Variants in DRC8 observed in about 807,000 individuals in gnomAD.
DRC8 encodes the protein dynein regulatory complex subunit 8, also known as dynein regulatory complex protein 8.
chr1:245,068,965 A>G, the DRC8 span, among the ~76,000 whole-genome samples: 1 of 152,162 alleles, frequency 6.6e-6, no homozygotes, highest in Non-Finnish European at 1.5e-5. Context: ...TTCACTCACT[A>G]TTACATCAAA....
At chr1:245,044,976 TA>T in the DRC8 span, among the ~76,000 whole-genome samples, 2 of 152,136 alleles carry the variant, frequency 1.3e-5, no homozygotes, top group Non-Finnish European at 2.9e-5. Context: ...TTAATAATGT[TA>T]AAAATGGTTT....
At chr1:245,002,519 T>C in the DRC8 span, among the ~76,000 whole-genome samples, 1 of 152,146 alleles carries the variant, frequency 6.6e-6, no homozygotes, top group South Asian at 2.1e-4. Flanking sequence ...TTCCTTATGT[T>C]TCTTTAGTTT....
At chr1:244,970,238 C>A in the DRC8 span, 2 of 702,980 alleles carry the variant, frequency 2.8e-6, no homozygotes, top group East Asian at 6.1e-5. Flanking sequence ...TGGCGCGAAA[C>A]GGGGACAGGG....
the DRC8 span, among the ~76,000 whole-genome samples, chr1:245,086,023 A>G: frequency 6.6e-6 from 1 of 152,264 alleles, no homozygotes; most frequent in Admixed American, 6.5e-5. Flanking sequence ...CGCAGTGTAT[A>G]CAGAGACAGT....
the DRC8 span, among the ~76,000 whole-genome samples, chr1:245,065,706 T>C: frequency 5.9e-5 from 9 of 152,032 alleles, no homozygotes; most frequent in Non-Finnish European, 1.0e-4. Flanking sequence ...ATGGAACTTG[T>C]CAACTTTAAA....
the DRC8 span, among the ~76,000 whole-genome samples, chr1:245,054,498 C>A: frequency 2.6e-5 from 4 of 152,164 alleles, no homozygotes; most frequent in Admixed American, 6.5e-5. Flanking sequence ...CCTCCCTCGA[C>A]CTCTCAGCAG....
At chr1:244,986,498 G>A in the DRC8 span, among the ~76,000 whole-genome samples, 1 of 152,154 alleles carries the variant, frequency 6.6e-6, no homozygotes, top group Non-Finnish European at 1.5e-5. Context: ...GGTCAGGGAG[G>A]CTGACTTCTA....
the DRC8 span, among the ~76,000 whole-genome samples, chr1:245,092,266 G>A: frequency 1.2e-4 from 19 of 152,348 alleles, no homozygotes; most frequent in Non-Finnish European, 2.2e-4. Context: ...ACAAAAAAGA[G>A]TCCAAGATAG....
At chr1:244,976,238 C>T in the DRC8 span, among the ~76,000 whole-genome samples, 1 of 152,082 alleles carries the variant, frequency 6.6e-6, no homozygotes, top group Non-Finnish European at 1.5e-5. Context: ...CATTGCACTC[C>T]AGCCCAGGCA....
chr1:244,975,689 T>C, the DRC8 span, among the ~76,000 whole-genome samples: 1 of 151,922 alleles, frequency 6.6e-6, no homozygotes, highest in African/African-American at 2.4e-5. Context: ...TGAAACCCTG[T>C]CTCTACTAAA....
At chr1:245,075,592 T>C in the DRC8 span, 1 of 152,202 alleles carries the variant, frequency 6.6e-6, no homozygotes, top group African/African-American at 2.4e-5. Flanking sequence ...GCCAGGCGTA[T>C]CAGGGCCTTG....
At chr1:245,081,994 C>A in the DRC8 span, 1 of 1,049,240 alleles carries the variant, frequency 9.5e-7, no homozygotes, top group Non-Finnish European at 1.5e-6. Context: ...CATCCAGAGT[C>A]TCTAGCACTT....
chr1:245,065,073 C>CTTTTTTTTTTTTTT, the DRC8 span, among the ~76,000 whole-genome samples: 1,583 of 81,512 alleles, frequency 0.019, 25 homozygotes, highest in Middle Eastern at 0.034. Context: ...TAACATTCTT[C>CTTTTTTTTTTTTTT]TTTTTTTTTT....
the DRC8 span, among the ~76,000 whole-genome samples, chr1:245,003,430 A>G: frequency 6.6e-6 from 1 of 152,250 alleles, no homozygotes; most frequent in Non-Finnish European, 1.5e-5. Context: ...GGGCACAGAG[A>G]GGTTAAGTAA....
At chr1:245,047,275 T>G in the DRC8 span, among the ~76,000 whole-genome samples, 1 of 152,210 alleles carries the variant, frequency 6.6e-6, no homozygotes, top group African/African-American at 2.4e-5. Flanking sequence ...TTAACACATA[T>G]TTTATATGTT....
the DRC8 span, among the ~76,000 whole-genome samples, chr1:245,103,941 G>C: frequency 6.6e-6 from 1 of 152,204 alleles, no homozygotes; most frequent in African/African-American, 2.4e-5. Flanking sequence ...TGGGCTTAGG[G>C]ATAAGACAGA....
the DRC8 span, chr1:245,121,887 T>C: frequency 2.4e-6 from 1 of 422,010 alleles, no homozygotes; most frequent in South Asian, 1.7e-5. Context: ...ATTTTTCTTT[T>C]CTTTTTTCTT....
the DRC8 span, chr1:245,124,122 T>A: frequency 7.5e-3 from 1,475 of 196,004 alleles, 22 homozygotes; most frequent in African/African-American, 0.033. Flanking sequence ...AGTTGGAGAT[T>A]CCAAAAGCTT....
the DRC8 span, among the ~76,000 whole-genome samples, chr1:245,095,867 T>G: frequency 6.6e-5 from 10 of 152,154 alleles, no homozygotes; most frequent in African/African-American, 2.2e-4. Context: ...TTAAGTCTTT[T>G]GCTAATGTGT....
Sources: allele counts gnomAD v4.1 joint callset (sites outside exome capture counted in the v4.1 genomes callset), GRCh38; gene constraint gnomAD v4.1.1; transcripts MANE v1.5; gene names NCBI Gene and HGNC (gene_info 2026-07-23, HGNC 2026-07-21).